BMP2K: variants seen among roughly 807,000 people sequenced by gnomAD.
BMP2K encodes BMP-2-inducible protein kinase.
In BMP2K, 74 loss-of-function variants were observed where a neutral mutation model predicts 116.0. The ratio of observed to expected loss-of-function variants is 0.64; its 90% CI spans 0.53 to 0.77. BMP2K has a LOEUF of 0.77. Among genes scored for constraint, BMP2K ranks in the 30% least tolerant of loss-of-function variants. The pLI is 0.00. For synonymous variants in BMP2K, 486 were observed against 502.5 expected (o/e 0.97, Z 0.44); for missense variants, 1,365 against 1,403.6 (o/e 0.97, Z 0.44).
At position 78,915,051 on chromosome 4, in the gene BMP2K, A is replaced by ATT. The variant is rs1274927356; in HGVS notation, c.*3018_*3019insTT. The ATT allele has an allele frequency of 1.3e-5, 2 of 152,050 alleles. No homozygotes were observed. The highest frequency in any genetic ancestry group is 2.9e-5 in the Non-Finnish European group (2 of 67,946). 9.4% of individuals were successfully genotyped at this position (152,050 alleles called of 1,614,324 possible). ...ACAAAAATTGCATGGTAAGTATAAT[A>ATT]GGTGGAGGAGGAAAGGTTGTAGGCC... On this transcript the variant is annotated 3_prime_UTR_variant, in exon 16 of 16. Transcript: ENST00000502613.
At chr4:78,875,533 G>C (rs1358824160) in intron 13 of BMP2K, among the ~76,000 whole-genome samples, 1 of 152,086 alleles carries the variant, frequency 6.6e-6, no homozygotes, top group Non-Finnish European at 1.5e-5. Context: ...TAATTGCCCT[G>C]TTATATTAGT....
rs1406689230 is a variant in BMP2K, at chr4:78,776,384, C to G, written c.-160C>G. ...GGAGCCGCGGAGCGGGCGGCGGGGCCCAGGCTGTGCGCTTGGGGAGCGCGG... is the reference window on the plus strand; with the variant it reads ...GGAGCCGCGGAGCGGGCGGCGGGGCGCAGGCTGTGCGCTTGGGGAGCGCGG... On this transcript the variant is annotated 5_prime_UTR_variant, in exon 1 of 16. Coordinates refer to ENST00000502613, the MANE Select transcript of BMP2K (RefSeq NM_198892.2). The G allele has an allele frequency of 2.9e-6, 2 of 689,308 alleles. No individual in the cohort carries two copies. The highest frequency in any genetic ancestry group is 3.7e-6 in the Non-Finnish European group (2 of 539,444). 42.7% of individuals were successfully genotyped at this position (689,308 alleles called of 1,614,324 possible). A position where few individuals can be genotyped will look rare whatever the true frequency, so the allele number is the denominator to read the frequency against.
rs1735052786 is a variant in BMP2K, at chr4:78,916,189, A to G, written c.*4156A>G. 4 of 151,800 alleles carry G rather than the reference A, an allele frequency of 2.6e-5. No individual in the cohort carries two copies. The South Asian group carries it at 8.3e-4, about 31-fold the overall frequency. 9.4% of individuals were successfully genotyped at this position (151,800 alleles called of 1,614,324 possible). A position where few individuals can be genotyped will look rare whatever the true frequency, so the allele number is the denominator to read the frequency against. ...CCCCTGCCATATCTAATTAAGCACT[A>G]ACTGATTTTATTACTTTATTGCCTT... On this transcript the variant is annotated 3_prime_UTR_variant, in exon 16 of 16. Coordinates refer to ENST00000502613, the MANE Select transcript of BMP2K (RefSeq NM_198892.2).
chr4:78,907,629 G>A (rs11944050), intron 15 of BMP2K, among the ~76,000 whole-genome samples: 2 of 152,142 alleles, frequency 1.3e-5, no homozygotes, highest in Non-Finnish European at 2.9e-5. Context: ...GGAAATCCTA[G>A]GGTTCATAAA....
chr4:78,818,055 A>G (rs944573189), intron 1 of BMP2K, among the ~76,000 whole-genome samples: 1 of 152,178 alleles, frequency 6.6e-6, no homozygotes, highest in Non-Finnish European at 1.5e-5. Context: ...TTGAGTGGCT[A>G]TATTGAATTG....
At chr4:78,796,583 G>A (rs1728294225) in intron 1 of BMP2K, among the ~76,000 whole-genome samples, 1 of 152,148 alleles carries the variant, frequency 6.6e-6, no homozygotes, top group African/African-American at 2.4e-5. Flanking sequence ...GGTGGAAGAG[G>A]TGAGGTATTT....
In BMP2K at chr4:78,911,159, C is replaced by T; in HGVS notation, c.2612C>T (p.Pro871Leu). 6.2e-7 allele frequency: 1 copy of T among 1,613,806 alleles called. No individual in the cohort carries two copies. The highest frequency in any genetic ancestry group is 8.5e-7 in the Non-Finnish European group (1 of 1,179,826). ...TTCTTTGCAGTGCGTGCTCAACAGC[C>T]CCAGCAAGAAAAGAATGAAAAGAAC... The part of the protein sequence containing the change: ...VPFFAVRAQQ[P>L]QQEKNEKNLP... Residue 871 changes from proline (P) to leucine (L), a missense_variant, in exon 16 of 16, where the codon CCC becomes CTC. By Grantham distance (98) the Pro-to-Leu change is moderately conservative (BLOSUM62 -3). Around this residue, in one of 3 missense-constraint regions of BMP2K, gnomAD observed 596 missense variants for 623.2 expected, o/e 0.96. Coordinates refer to ENST00000502613, the MANE Select transcript of BMP2K (RefSeq NM_198892.2).
intron 1 of BMP2K, among the ~76,000 whole-genome samples, chr4:78,824,565 G>A (rs983297521): frequency 3.9e-5 from 6 of 152,150 alleles, no homozygotes; most frequent in Non-Finnish European, 2.9e-5. Flanking sequence ...TGCCCTTGAC[G>A]TGGGGATTAT....
intron 2 of BMP2K, among the ~76,000 whole-genome samples, chr4:78,830,870 C>G (rs1028258486): frequency 1.3e-5 from 2 of 152,208 alleles, no homozygotes; most frequent in African/African-American, 4.8e-5. Context: ...ACCGTTAAAA[C>G]TTTCTCCATG....
At chr4:78,797,137 T>G in intron 1 of BMP2K, among the ~76,000 whole-genome samples, 1 of 152,174 alleles carries the variant, frequency 6.6e-6, no homozygotes, top group East Asian at 1.9e-4. Context: ...AATACAGTGC[T>G]TCTTAAACTC....
chr4:78,828,294 C>T (rs1729976002), intron 2 of BMP2K, among the ~76,000 whole-genome samples: 1 of 152,178 alleles, frequency 6.6e-6, no homozygotes, highest in South Asian at 2.1e-4. Flanking sequence ...AAAGATATTG[C>T]AAAGGGTACA....
chr4:78,847,176 A>G lies in BMP2K; in HGVS notation c.669-12A>G, dbSNP rs911551532. The G allele has an allele frequency of 1.4e-6, 2 of 1,458,360 alleles. No individual in the cohort carries two copies. Among genetic ancestry groups the G allele is most frequent in the East Asian group, 2.5e-5 (1 of 40,692 alleles). The allele number at this position is 1,458,360 out of a possible 1,614,324, so 90.3% of individuals were successfully genotyped here. A position where few individuals can be genotyped will look rare whatever the true frequency, so the allele number is the denominator to read the frequency against. On this transcript the variant is annotated splice_polypyrimidine_tract_variant and intron_variant, in intron 5 of 15. Transcript: ENST00000502613. ...TATATATCTCCACTCCATTTCACTC[A>G]TTTACTGCCAGGTATACAACTCTGT...
At chr4:78,805,926 G>A (rs149396073) in intron 1 of BMP2K, among the ~76,000 whole-genome samples, 12,610 of 152,132 alleles carry the variant, frequency 0.083, 803 homozygotes, top group Non-Finnish European at 0.12. Context: ...AGCCAAGATT[G>A]CACCACCGCA....
chr4:78,894,273 T>C (rs1019254957), intron 15 of BMP2K, among the ~76,000 whole-genome samples: 3 of 152,232 alleles, frequency 2.0e-5, no homozygotes, highest in African/African-American at 7.2e-5. Context: ...AAGCCAGACA[T>C]GGACTTAACT....
chr4:78,776,410 A>C lies in BMP2K; in HGVS notation c.-134A>C. The C allele has an allele frequency of 1.1e-6, 1 of 893,124 alleles. No homozygotes were observed. Among genetic ancestry groups the C allele is most frequent in the Non-Finnish European group, 1.4e-6 (1 of 723,202 alleles). The allele number at this position is 893,124 out of a possible 1,614,324, so 55.3% of individuals were successfully genotyped here. A position where few individuals can be genotyped will look rare whatever the true frequency, so the allele number is the denominator to read the frequency against. Reference sequence around the variant, plus strand: ...CAGGCTGTGCGCTTGGGGAGCGCGGAATGTGAGGCTTGGCGGGCCGCAGCA... The same window carrying C: ...CAGGCTGTGCGCTTGGGGAGCGCGGCATGTGAGGCTTGGCGGGCCGCAGCA... On this transcript the variant is annotated 5_prime_UTR_variant, in exon 1 of 16. Transcript: ENST00000502613.
At chr4:78,802,406 C>T (rs1255455463) in intron 1 of BMP2K, among the ~76,000 whole-genome samples, 2 of 152,150 alleles carry the variant, frequency 1.3e-5, no homozygotes, top group African/African-American at 2.4e-5. Flanking sequence ...TTTTCTGAAC[C>T]TGTAATCTGC....
At chr4:78,847,154 A>T (rs973196154) in intron 5 of BMP2K, 34 bp from the exon 6 acceptor site, 9 of 1,171,072 alleles carry the variant, frequency 7.7e-6, no homozygotes, top group Non-Finnish European at 1.0e-5. Context: ...ATATATATAT[A>T]TATCTCCACT....
Position 78,872,767 on chromosome 4 carries a change from A to G in BMP2K, c.1762A>G (p.Thr588Ala), listed in dbSNP as rs1322105730. The G allele has an allele frequency of 6.2e-7, 1 of 1,614,114 alleles. No homozygotes were observed. The highest frequency in any genetic ancestry group is 1.1e-5 in the South Asian group (1 of 91,078). ...YTSSLPAQVG[T>A]IMDSSYSANR... ...TTCATCACTTCCAGCTCAGGTTGGA[A>G]CCATAATGGACTCCTCCTATAGTGC... The change falls in exon 13 of 16, where the codon ACC becomes GCC. Residue 588 changes from threonine to alanine, a missense_variant. Transcript: ENST00000502613.
intron 14 of BMP2K, 35 bp from the exon 15 acceptor site, chr4:78,887,139 T>G (rs1216480047): frequency 1.5e-6 from 2 of 1,363,346 alleles, no homozygotes; most frequent in African/African-American, 2.9e-5. Flanking sequence ...TTTATTTCAT[T>G]TCATTTTTTA....
Sources: allele counts gnomAD v4.1 joint callset (sites outside exome capture counted in the v4.1 genomes callset), GRCh38; gene constraint gnomAD v4.1.1; regional missense constraint gnomAD v4.1.1; transcripts MANE v1.5; gene names NCBI Gene and HGNC (gene_info 2026-07-23, HGNC 2026-07-21).